The following HSCB variants were observed in gnomAD, a reference collection of about 807,000 sequenced individuals.
HSCB encodes the protein iron-sulfur cluster co-chaperone protein HscB.
A neutral mutation model predicts 31.3 loss-of-function variants in HSCB; 23 were observed. The ratio of observed to expected loss-of-function variants is 0.74; its 90% CI spans 0.53 to 1.04. The LOEUF (loss-of-function observed/expected upper bound fraction) is 1.04, where lower values mean the gene tolerates loss of function less well. Ranked by LOEUF, HSCB falls within the 50% of genes least tolerant of loss-of-function variation. The probability of loss-of-function intolerance (pLI) is 0.00; values close to 1 mark genes in which losing one functional copy is unlikely to be tolerated. For missense variants in HSCB, 297 were observed against 288.1 expected (o/e 1.03, Z -0.22); for synonymous variants, 110 against 104.5 (o/e 1.05, Z -0.32).
At position 28,742,179 on chromosome 22, in the gene HSCB, C is replaced by A; in HGVS notation, c.84C>A (p.Cys28Ter). 3 of 1,613,864 alleles carry A rather than the reference C, an allele frequency of 1.9e-6. No individual in the cohort carries two copies. Among genetic ancestry groups the A allele is most frequent in the Non-Finnish European group, 2.5e-6 (3 of 1,179,970 alleles). Residue 28 changes from cysteine to a stop codon, truncating the protein, a stop_gained, in exon 1 of 6, where the codon TGC (cysteine) becomes TGA (stop). Coordinates refer to ENST00000216027, the MANE Select transcript of HSCB (RefSeq NM_172002.5). LOFTEE classifies it high-confidence loss of function. ...TTCCCAGAAGGAGACCGCTAAGCTGCGATGCTGCGTCGCAGGCGGGAAGCA... is the reference window on the plus strand; with the variant it reads ...TTCCCAGAAGGAGACCGCTAAGCTGAGATGCTGCGTCGCAGGCGGGAAGCA... The part of the protein sequence containing the change: ...TGVPRRRPLS[C>*]DAASQAGSNY...
At chr22:28,752,550 C>T (rs2146221579) in intron 5 of HSCB, among the ~76,000 whole-genome samples, 1 of 150,412 alleles carries the variant, frequency 6.6e-6, no homozygotes, top group Non-Finnish European at 1.5e-5. Context: ...CTGGCTAACA[C>T]AGTGAAACCC....
At chr22:28,746,853 C>G (rs949814630) in intron 4 of HSCB, among the ~76,000 whole-genome samples, 1 of 150,256 alleles carries the variant, frequency 6.7e-6, no homozygotes, top group Non-Finnish European at 1.5e-5. Flanking sequence ...GAGCCCAGAT[C>G]GTGCCACTGC....
In HSCB at chr22:28,743,863, T is replaced by A. The variant is rs1569182844; in HGVS notation, c.237-19T>A. The A allele has an allele frequency of 6.3e-7, 1 of 1,599,760 alleles. No individual in the cohort carries two copies. On this transcript the variant is annotated intron_variant, in intron 1 of 5. Transcript: ENST00000216027. The stretch of plus-strand genomic sequence containing the variant: ...TTAAATATTTGTTGTATAAATTTAA[T>A]CTCCCAATTTCCTTCCAGCAACCGT...
intron 5 of HSCB, among the ~76,000 whole-genome samples, chr22:28,754,669 C>CA (rs913630739): frequency 4.9e-4 from 70 of 143,424 alleles, no homozygotes; most frequent in African/African-American, 1.2e-3. Context: ...GACTCTATCT[C>CA]AAAAAAAAAA....
At chr22:28,748,950 G>A (rs9625554) in intron 4 of HSCB, among the ~76,000 whole-genome samples, 2,314 of 152,056 alleles carry the variant, frequency 0.015, 63 homozygotes, top group African/African-American at 0.052. Flanking sequence ...GACTAGCCTA[G>A]TCAACATAGC....
rs1192646197 is a variant in HSCB at position 28,757,062 on chromosome 22, T to C, written c.617-16T>C. 7.1e-7 allele frequency: 1 copy of C among 1,413,474 alleles called. No homozygotes were observed. The highest frequency in any genetic ancestry group is 2.3e-5 in the East Asian group (1 of 42,952). The allele number at this position is 1,413,474 out of a possible 1,614,324, so 87.6% of individuals were successfully genotyped here. Reference sequence around the variant, plus strand: ...CTTGAAATGAAGCCTGACTTCAGTGTCTCTGTCTATTTCAGATGACTTTGA... The same window carrying C: ...CTTGAAATGAAGCCTGACTTCAGTGCCTCTGTCTATTTCAGATGACTTTGA... On this transcript the variant is annotated splice_polypyrimidine_tract_variant and intron_variant, in intron 5 of 5. Transcript: ENST00000216027.
At chr22:28,753,240 A>G (rs1230644641) in intron 5 of HSCB, among the ~76,000 whole-genome samples, 2 of 151,582 alleles carry the variant, frequency 1.3e-5, no homozygotes, top group African/African-American at 4.8e-5. Context: ...TAAAAGCAAC[A>G]TTAGACCGGG....
intron 4 of HSCB, among the ~76,000 whole-genome samples, chr22:28,750,237 G>A (rs1006282924): frequency 1.5e-4 from 10 of 68,890 alleles, no homozygotes; most frequent in Non-Finnish European, 2.0e-4. Context: ...CAACAAGAGC[G>A]AAACTGTCTC....
chr22:28,752,914 A>G (rs893024923), intron 5 of HSCB, among the ~76,000 whole-genome samples: 2 of 151,370 alleles, frequency 1.3e-5, no homozygotes, highest in Non-Finnish European at 2.9e-5. Flanking sequence ...CCCCGTCTCT[A>G]CTAAAAATAC....
chr22:28,750,943 G>GTTTTTTTTTTTTTT (rs1202821377), intron 4 of HSCB, among the ~76,000 whole-genome samples: 5 of 62,048 alleles, frequency 8.1e-5, no homozygotes, highest in Non-Finnish European at 6.3e-5. Flanking sequence ...GTATATCTTT[G>GTTTTTTTTTTTTTT]TCTTTTTTTT....
chr22:28,747,732 T>G (rs532334760), intron 4 of HSCB, among the ~76,000 whole-genome samples: 36 of 152,318 alleles, frequency 2.4e-4, no homozygotes, highest in Admixed American at 1.8e-3. Flanking sequence ...CTTTCACAAA[T>G]ATTTGTAGTG....
chr22:28,743,247 G>A (rs1164173016), intron 1 of HSCB, among the ~76,000 whole-genome samples: 1 of 152,130 alleles, frequency 6.6e-6, no homozygotes, highest in African/African-American at 2.4e-5. Context: ...GACCTAACGG[G>A]ATTCTTGCTG....
intron 5 of HSCB, among the ~76,000 whole-genome samples, chr22:28,753,807 C>T (rs1258029889): frequency 1.3e-5 from 2 of 150,110 alleles, no homozygotes; most frequent in African/African-American, 4.9e-5. Flanking sequence ...CACTGCACTT[C>T]GGCCTGGGTG....
chr22:28,751,128 C>G, intron 4 of HSCB, 113 bp from the exon 5 acceptor site: 1 of 662,584 alleles, frequency 1.5e-6, no homozygotes, highest in Non-Finnish European at 2.6e-6. Context: ...CCCTTGAATA[C>G]AAACTTCCTC....
At chr22:28,748,496 C>T (rs1353029144) in intron 4 of HSCB, among the ~76,000 whole-genome samples, 2 of 151,730 alleles carry the variant, frequency 1.3e-5, no homozygotes, top group African/African-American at 4.8e-5. Flanking sequence ...TTTTTGAAAC[C>T]CAAGCGTTTT....
intron 5 of HSCB, among the ~76,000 whole-genome samples, chr22:28,755,116 AAG>A (rs1191488153): frequency 5.4e-5 from 8 of 147,100 alleles, no homozygotes; most frequent in African/African-American, 1.7e-4. Context: ...GAATACAAAA[AAG>A]ATGTTAAATA....
At chr22:28,746,459 T>C (rs1479416308) in intron 4 of HSCB, among the ~76,000 whole-genome samples, 3 of 149,018 alleles carry the variant, frequency 2.0e-5, no homozygotes, top group Non-Finnish European at 4.4e-5. Flanking sequence ...ACATCTAAAA[T>C]CTATAGGGTA....
chr22:28,749,898 GATA>G (rs1200996580), intron 4 of HSCB, among the ~76,000 whole-genome samples: 2 of 152,202 alleles, frequency 1.3e-5, no homozygotes, highest in African/African-American at 2.4e-5. Context: ...TGTACGTGGA[GATA>G]ATATTAGTAC....
intron 1 of HSCB, 34 bp downstream of exon 1, chr22:28,742,365 C>A (rs2054583344): frequency 6.2e-7 from 1 of 1,603,068 alleles, no homozygotes; most frequent in Admixed American, 1.7e-5. Flanking sequence ...CGGGCCCGGG[C>A]GAGAGACACG....
Sources: allele counts gnomAD v4.1 joint callset (sites outside exome capture counted in the v4.1 genomes callset), GRCh38; gene constraint gnomAD v4.1.1; transcripts MANE v1.5; gene names NCBI Gene and HGNC (gene_info 2026-07-23, HGNC 2026-07-21).